DSCAM: variants seen among roughly 807,000 people sequenced by gnomAD.
DSCAM encodes the protein cell adhesion molecule DSCAM.
DSCAM carries 47 observed loss-of-function variants against 217.7 expected under a neutral mutation model. The observed-to-expected ratio is 0.22, with a 90% CI of 0.17 to 0.28. The LOEUF is 0.28. DSCAM is among the 10% of genes least tolerant of loss of function. The pLI is 1.00. For synonymous variants in DSCAM, 1,056 were observed against 1,015.3 expected (o/e 1.04, Z -0.76); for missense variants, 2,080 against 2,618.3 (o/e 0.79, Z 4.49).
At chr21:40,099,397 G>A (rs2089722266) in intron 20 of DSCAM, among the ~76,000 whole-genome samples, 1 of 152,116 alleles carries the variant, frequency 6.6e-6, no homozygotes, top group Non-Finnish European at 1.5e-5. Context: ...CGTAGGTTAG[G>A]ATGAAAAATA....
intron 1 of DSCAM, among the ~76,000 whole-genome samples, chr21:40,714,731 T>C (rs1218995415): frequency 6.6e-6 from 1 of 152,218 alleles, no homozygotes; most frequent in East Asian, 1.9e-4. Flanking sequence ...ACTTTCAAAC[T>C]GATGCTGGAA....
chr21:40,380,846 A>G (rs1040986876), intron 3 of DSCAM, among the ~76,000 whole-genome samples: 216 of 151,866 alleles, frequency 1.4e-3, no homozygotes, highest in African/African-American at 4.4e-3. Flanking sequence ...GGCGGATCAC[A>G]AGGTCAGGAG....
intron 1 of DSCAM, among the ~76,000 whole-genome samples, chr21:40,812,536 A>G (rs191193662): frequency 6.6e-6 from 1 of 152,322 alleles, no homozygotes; most frequent in African/African-American, 2.4e-5. Flanking sequence ...GTGAACCATG[A>G]CTACCCACAC....
At chr21:40,810,379 A>T (rs532908909) in intron 1 of DSCAM, among the ~76,000 whole-genome samples, 1 of 152,358 alleles carries the variant, frequency 6.6e-6, no homozygotes, top group Admixed American at 6.5e-5. Context: ...GAGAGAAGTC[A>T]TGTAAAAAGA....
At chr21:40,670,973 T>C (rs889925669) in intron 3 of DSCAM, among the ~76,000 whole-genome samples, 1 of 152,136 alleles carries the variant, frequency 6.6e-6, no homozygotes, top group African/African-American at 2.4e-5. Context: ...TTAAAAAATA[T>C]TGTAATCAGA....
At chr21:40,203,526 C>T (rs911361045) in intron 11 of DSCAM, among the ~76,000 whole-genome samples, 1 of 152,218 alleles carries the variant, frequency 6.6e-6, no homozygotes, top group Non-Finnish European at 1.5e-5. Context: ...GCAGAAGCAG[C>T]TCAGGCTTTG....
chr21:40,068,208 G>T (rs1286964961), intron 27 of DSCAM, among the ~76,000 whole-genome samples: 1 of 152,174 alleles, frequency 6.6e-6, no homozygotes, highest in Non-Finnish European at 1.5e-5. Flanking sequence ...GCTAAAAAAT[G>T]ATGGCTGAAA....
chr21:40,084,764 A>G (rs2089509308), intron 23 of DSCAM, among the ~76,000 whole-genome samples: 1 of 152,104 alleles, frequency 6.6e-6, no homozygotes, highest in South Asian at 2.1e-4. Flanking sequence ...ATATTGACCT[A>G]TCTCTTCAGA....
rs866118537 is a variant in DSCAM, at chr21:40,078,557, C to T, written c.4711+130G>A. 1.2e-5 allele frequency: 15 copies of T among 1,248,284 alleles called. 1 individual carries two copies. The South Asian group carries it at 1.6e-4, about 13-fold the overall frequency. The allele number at this position is 1,248,284 out of a possible 1,614,324, so 77.3% of individuals were successfully genotyped here. ...GCCCCAGACAGAGTCCATTGAATCC[C>T]GAAAGCCTAATGGGCTCCGTGGGCA... On this transcript the variant is annotated intron_variant, in intron 26 of 32. Coordinates refer to ENST00000400454, the MANE Select transcript of DSCAM (RefSeq NM_001389.5).
At chr21:40,124,459 G>T in intron 19 of DSCAM, 131 bp from the exon 20 acceptor site, 2 of 1,166,846 alleles carry the variant, frequency 1.7e-6, no homozygotes, top group African/African-American at 1.5e-5. Context: ...GTTCCGCTGT[G>T]TCCCCCCAAA....
Position 40,511,250 on chromosome 21 carries a change from TAAAG to T in DSCAM, c.509-142009_509-142006del, listed in dbSNP as rs879377922. On this transcript the variant is annotated intron_variant, in intron 3 of 32. Transcript: ENST00000400454. Reference sequence around the variant, plus strand: ...TATGATACTATCCTTATTTTATAGATAAAGAAATAGGAATTTTGCCACAGCCCTC... The same window carrying T: ...TATGATACTATCCTTATTTTATAGATAAATAGGAATTTTGCCACAGCCCTC... 4.6e-5 allele frequency among the ~76,000 whole-genome samples: 7 copies of T among 152,238 alleles called. No individual in the cohort carries two copies. The South Asian group carries it at 1.2e-3, about 27-fold the overall frequency.
chr21:40,213,086 C>T (rs545207864), intron 11 of DSCAM, among the ~76,000 whole-genome samples: 1 of 152,344 alleles, frequency 6.6e-6, no homozygotes, highest in Non-Finnish European at 1.5e-5. Flanking sequence ...TGTTTTAAGC[C>T]ACTCCATCGT....
At chr21:40,187,808 G>C in intron 13 of DSCAM, 83 bp downstream of exon 13, 1 of 1,202,620 alleles carries the variant, frequency 8.3e-7, no homozygotes. Context: ...GGCAAGTTGA[G>C]GACACAGAGA....
intron 1 of DSCAM, among the ~76,000 whole-genome samples, chr21:40,842,204 T>A (rs2092108086): frequency 6.6e-6 from 1 of 152,028 alleles, no homozygotes; most frequent in Non-Finnish European, 1.5e-5. Flanking sequence ...AGGCTGAGGG[T>A]GCGGGCACCA....
chr21:40,639,417 A>G (rs2089849808), intron 3 of DSCAM, among the ~76,000 whole-genome samples: 1 of 152,210 alleles, frequency 6.6e-6, no homozygotes, highest in Non-Finnish European at 1.5e-5. Flanking sequence ...AGCAGTACTG[A>G]TAACACCAGT....
chr21:40,122,061 G>A (rs946255120), intron 20 of DSCAM, among the ~76,000 whole-genome samples: 1 of 152,062 alleles, frequency 6.6e-6, no homozygotes, highest in African/African-American at 2.4e-5. Context: ...ATTGTTCTGT[G>A]GGTGAAGAGA....
intron 3 of DSCAM, among the ~76,000 whole-genome samples, chr21:40,567,952 T>C (rs562273530): frequency 1.3e-5 from 2 of 152,310 alleles, no homozygotes; most frequent in South Asian, 2.1e-4. Flanking sequence ...TTGGTTTTTT[T>C]TTTGAGACTG....
intron 3 of DSCAM, among the ~76,000 whole-genome samples, chr21:40,559,755 C>T (rs941039888): frequency 6.7e-6 from 1 of 149,882 alleles, no homozygotes; most frequent in Non-Finnish European, 1.5e-5. Context: ...CTCTCTGTAA[C>T]GGCTGTTTTG....
At chr21:40,041,807 G>A (rs2088755772) in intron 32 of DSCAM, among the ~76,000 whole-genome samples, 2 of 152,248 alleles carry the variant, frequency 1.3e-5, no homozygotes, top group South Asian at 2.1e-4. Context: ...CCTTTCAGAA[G>A]CCCTCAGTGT....
Sources: gnomAD v4.1 joint callset for allele counts (sites outside exome capture counted in the v4.1 genomes callset) on GRCh38, gnomAD v4.1.1 for gene constraint, MANE v1.5 for transcripts, NCBI Gene and HGNC (gene_info 2026-07-23, HGNC 2026-07-21) for gene names.